ZNF16: variants seen among roughly 807,000 people sequenced by gnomAD.
ZNF16 encodes the protein zinc finger protein 16, also known as zinc finger protein KOX9.
A neutral mutation model predicts 9.0 loss-of-function variants in ZNF16; 7 were observed. That is an observed-to-expected ratio of 0.78 (90% CI 0.44 to 1.47). ZNF16 has a LOEUF of 1.47. Ranked by LOEUF, ZNF16 falls within the 40% of genes most tolerant of loss-of-function variation. The pLI is 0.01. For missense variants in ZNF16, 830 were observed against 854.2 expected (o/e 0.97, Z 0.35); for synonymous variants, 312 against 301.5 (o/e 1.03, Z -0.36).
At chr8:144,947,124 G>C (rs1833974273) in intron 1 of ZNF16, among the ~76,000 whole-genome samples, 1 of 125,640 alleles carries the variant, frequency 8.0e-6, no homozygotes, top group Non-Finnish European at 1.6e-5. Context: ...TGTGGGGCCT[G>C]TACCCTGCTG....
chr8:144,946,453 G>T lies in ZNF16; in HGVS notation c.-9-238C>A, dbSNP rs565178726. Among the ~76,000 whole-genome samples, 370 of 151,952 alleles carry T rather than the reference G, an allele frequency of 2.4e-3. 1 individual carries two copies. Among genetic ancestry groups the T allele is most frequent in the African/African-American group, 8.6e-3 (354 of 41,256 alleles). On this transcript the variant is annotated intron_variant, in intron 1 of 2. Coordinates refer to ENST00000394909, the MANE Select transcript of ZNF16 (RefSeq NM_006958.3). ...CCACAGTACAAAGGGGCAAGATGCT[G>T]ACCCTAAGGTAAAGTGGGTCATGGT...
At position 144,931,110 on chromosome 8, in the gene ZNF16, G is replaced by A. The variant is rs771820816; in HGVS notation, c.1677C>T (p.Thr559=). The change falls in exon 3 of 3, where the codon ACC becomes ACT. Residue 559 remains threonine, a synonymous_variant. Transcript: ENST00000394909. ...TATGAATCCTCTGATGCTGAATGAG[G>A]GTTGAGCTCTGGCTGAAGGTTTTTC... ...ECGKTFSQSS[T]LIQHQRIHNG... 4.3e-6 allele frequency: 7 copies of A among 1,614,240 alleles called. No individual in the cohort carries two copies. Among genetic ancestry groups the A allele is most frequent in the Admixed American group, 1.7e-5 (1 of 60,032 alleles).
In ZNF16 at chr8:144,946,130, G is replaced by A. The variant is rs2130051878; in HGVS notation, c.77C>T (p.Ala26Val). 1.9e-6 allele frequency: 3 copies of A among 1,603,030 alleles called. No homozygotes were observed. Among genetic ancestry groups the A allele is most frequent in the East Asian group, 2.2e-5 (1 of 44,610 alleles). The change falls in exon 2 of 3, where the codon GCA becomes GTA. Residue 26 changes from alanine to valine, a missense_variant. Transcript: ENST00000394909. The stretch of plus-strand genomic sequence containing the variant: ...AGCATCTCTCACACGGGCCTGGGCT[G>A]CAGGGGTCCAGGGGGATGGTCCTGG... ...SVPGPSPWTP[A>V]AQARVRDAPA...
At chr8:144,949,187 C>T (rs1834030488) in intron 1 of ZNF16, among the ~76,000 whole-genome samples, 1 of 152,250 alleles carries the variant, frequency 6.6e-6, no homozygotes, top group Non-Finnish European at 1.5e-5. Context: ...ACAGGATGGG[C>T]CCTGGCCGAT....
chr8:144,946,731 GCTGTGGGCCATACCCTT>G (rs1162241065), intron 1 of ZNF16, among the ~76,000 whole-genome samples: 2 of 98,796 alleles, frequency 2.0e-5, no homozygotes, highest in African/African-American at 4.2e-5. Flanking sequence ...CCCGTACCCT[GCTGTGGGCCATACCCTT>G]CTGTGGGCCT....
chr8:144,950,459 G>A (rs548462665), intron 1 of ZNF16: 27 of 152,238 alleles, frequency 1.8e-4, no homozygotes, highest in Non-Finnish European at 2.4e-4. Context: ...CCGTCGCTCC[G>A]CCCGAGCTCG....
At chr8:144,950,636 C>A (rs985894820) in intron 1 of ZNF16, 161 bp downstream of exon 1, 4 of 151,700 alleles carry the variant, frequency 2.6e-5, no homozygotes, top group African/African-American at 9.7e-5. Flanking sequence ...CCCGCCCCCC[C>A]CGCGCTCCCA....
chr8:144,933,160 C>G lies in ZNF16; in HGVS notation c.197-570G>C, dbSNP rs1354048000. ...TAGGAGTCACTAGTGTGGAGAGAGA[C>G]CCCGTTGTACACAGAGAAGAAACCC... On this transcript the variant is annotated intron_variant, in intron 2 of 2. Transcript: ENST00000394909. The surrounding 1 kb of genome is among the most constrained non-coding windows in gnomAD (Gnocchi z 5.6). Among the ~76,000 whole-genome samples, 2 of 152,154 alleles carry G rather than the reference C, an allele frequency of 1.3e-5. No homozygotes were observed. Among genetic ancestry groups the G allele is most frequent in the Non-Finnish European group, 2.9e-5 (2 of 68,030 alleles).
Position 144,930,439 on chromosome 8 carries a change from A to G in ZNF16, c.*299T>C, listed in dbSNP as rs573402541. 9.2e-6 allele frequency: 3 copies of G among 327,086 alleles called. No homozygotes were observed. The highest frequency in any genetic ancestry group is 6.4e-5 in the African/African-American group (3 of 47,184). 20.3% of individuals were successfully genotyped at this position (327,086 alleles called of 1,614,324 possible). On this transcript the variant is annotated 3_prime_UTR_variant, in exon 3 of 3. Transcript: ENST00000394909. ...TGGTAACTTTTCATTATAATAATAA[A>G]CTCTATTCATGAATATGCAGCCTCC...
chr8:144,931,252 G>A lies in ZNF16; in HGVS notation c.1535C>T (p.Thr512Ile), dbSNP rs144121330. 6.6e-5 allele frequency: 107 copies of A among 1,613,924 alleles called. No homozygotes were observed. Among genetic ancestry groups the A allele is most frequent in the Non-Finnish European group, 8.6e-5 (102 of 1,180,016 alleles). The change falls in exon 3 of 3, where the codon ACA becomes ATA. Residue 512 changes from threonine to isoleucine, a missense_variant. Thr to Ile is a moderately conservative substitution (Grantham distance 89). Coordinates refer to ENST00000394909, the MANE Select transcript of ZNF16 (RefSeq NM_006958.3). The stretch of plus-strand genomic sequence containing the variant: ...GTGGCAGGCGTAGGGCTTGTCGCCT[G>A]TGTGCACGCCCTGGTGCTGAATGAG... ...SALIQHQGVHTGDKPYACHEC... is the reference protein window; with the variant it reads ...SALIQHQGVHIGDKPYACHEC...
intron 1 of ZNF16, among the ~76,000 whole-genome samples, chr8:144,949,292 T>G (rs1280570636): frequency 6.6e-6 from 1 of 152,210 alleles, no homozygotes; most frequent in African/African-American, 2.4e-5. Flanking sequence ...CACTACTGAC[T>G]GGGCCTCCCA....
At chr8:144,935,974 A>G (rs866314341) in intron 2 of ZNF16, among the ~76,000 whole-genome samples, 6 of 152,220 alleles carry the variant, frequency 3.9e-5, no homozygotes, top group African/African-American at 1.4e-4. Context: ...TAAAACGAAC[A>G]GCGGCATTTA....
Position 144,930,736 on chromosome 8 carries a change from G to A in ZNF16, c.*2C>T, listed in dbSNP as rs768970777. 8 of 1,522,312 alleles carry A rather than the reference G, an allele frequency of 5.3e-6. No homozygotes were observed. In the East Asian group the frequency reaches 1.8e-4, roughly 34 times the overall value. 94.3% of individuals were successfully genotyped at this position (1,522,312 alleles called of 1,614,324 possible). On this transcript the variant is annotated 3_prime_UTR_variant, in exon 3 of 3. Coordinates refer to ENST00000394909, the MANE Select transcript of ZNF16 (RefSeq NM_006958.3). Reference sequence around the variant, plus strand: ...CGGTTTCACTCCTGCCAGCCCAACAGCCTATTCCCTGGTGTGAATCAACTG... The same window carrying A: ...CGGTTTCACTCCTGCCAGCCCAACAACCTATTCCCTGGTGTGAATCAACTG...
chr8:144,944,907 A>G (rs1381197578), intron 2 of ZNF16: 3 of 152,226 alleles, frequency 2.0e-5, no homozygotes, highest in Non-Finnish European at 4.4e-5. Context: ...AGAAAAACCA[A>G]CACAAAACAC....
At position 144,932,260 on chromosome 8, in the gene ZNF16, G is replaced by C; in HGVS notation, c.527C>G (p.Thr176Arg). 1.2e-6 allele frequency: 2 copies of C among 1,614,160 alleles called. No individual in the cohort carries two copies. The highest frequency in any genetic ancestry group is 1.7e-6 in the Non-Finnish European group (2 of 1,180,028). The change falls in exon 3 of 3, where the codon ACA becomes AGA. Residue 176 changes from threonine (T) to arginine (R), a missense_variant. Physicochemically the swap from Thr to Arg is moderately conservative, Grantham distance 71. Transcript: ENST00000394909. This position sits in a 1 kb window ranked among gnomAD's most constrained non-coding sequence, Gnocchi z 5.0. ...PNLMACQEIP[T>R]EERPHPYDMG... ...GTCATATGGATGTGGCCTCTCTTCT[G>C]TAGGGATTTCCTGACATGCCATCAG... is the stretch of plus-strand genomic sequence containing the variant.
rs1296370579 is a variant in ZNF16, at chr8:144,946,140, A to AG, written c.66dup (p.Trp23LeufsTer29). 3 of 1,591,980 alleles carry AG rather than the reference A, an allele frequency of 1.9e-6. No individual in the cohort carries two copies. The East Asian group carries it at 6.8e-5, about 36-fold the overall frequency. ...ACACGGGCCTGGGCTGCAGGGGTCC[A>AG]GGGGGATGGTCCTGGAACTGAGAGC... On this transcript the variant is annotated frameshift_variant, in exon 2 of 3. Transcript: ENST00000394909. LOFTEE classifies it high-confidence loss of function.
At chr8:144,934,846 G>A (rs1323802063) in intron 2 of ZNF16, among the ~76,000 whole-genome samples, 1 of 152,134 alleles carries the variant, frequency 6.6e-6, no homozygotes, top group Non-Finnish European at 1.5e-5. Flanking sequence ...GGTCTTCTTT[G>A]TTGTTTTTAA....
At chr8:144,950,192 GCT>G (rs1491456074) in intron 1 of ZNF16, among the ~76,000 whole-genome samples, 9 of 151,850 alleles carry the variant, frequency 5.9e-5, no homozygotes, top group South Asian at 2.1e-4. Flanking sequence ...TTGCTCACAT[GCT>G]TTTTTTTGCT....
At position 144,931,838 on chromosome 8, in the gene ZNF16, T is replaced by A; in HGVS notation, c.949A>T (p.Ser317Cys). 1 of 1,614,168 alleles carries A rather than the reference T, an allele frequency of 6.2e-7. No individual in the cohort carries two copies. The highest frequency in any genetic ancestry group is 8.5e-7 in the Non-Finnish European group (1 of 1,180,026). ...TCATTGCATTCATAGGGCTTCTCAC[T>A]CATGTGAGACTTTTGGTGCTTTTTA... ...SLKKHQKSHM[S>C]EKPYECNECG... The change falls in exon 3 of 3, where the codon AGT becomes TGT. Residue 317 changes from serine (S) to cysteine (C), a missense_variant. Transcript: ENST00000394909.
Sources: allele counts gnomAD v4.1 joint callset (sites outside exome capture counted in the v4.1 genomes callset), GRCh38; gene constraint gnomAD v4.1.1; non-coding constraint Gnocchi (gnomAD v3.1); transcripts MANE v1.5; gene names NCBI Gene and HGNC (gene_info 2026-07-23, HGNC 2026-07-21).